The following DPP6 variants were observed in gnomAD, a reference collection of about 807,000 sequenced individuals.
DPP6 encodes A-type potassium channel modulatory protein DPP6.
A neutral mutation model predicts 122.6 loss-of-function variants in DPP6; 69 were observed. The ratio of observed to expected loss-of-function variants is 0.56; its 90% CI spans 0.46 to 0.69. The LOEUF (loss-of-function observed/expected upper bound fraction) is 0.69, where lower values mean the gene tolerates loss of function less well. DPP6 is among the 30% of genes least tolerant of loss of function. DPP6 has a pLI of 0.00. For missense variants in DPP6, 928 were observed against 1,116.9 expected (o/e 0.83, Z 2.41); for synonymous variants, 418 against 433.1 (o/e 0.97, Z 0.43).
At chr7:154,032,608 T>C (rs1799301786) in intron 1 of DPP6, among the ~76,000 whole-genome samples, 1 of 152,232 alleles carries the variant, frequency 6.6e-6, no homozygotes, top group African/African-American at 2.4e-5. Context: ...ATTTTATTTT[T>C]GTATATTTAT....
intron 8 of DPP6, among the ~76,000 whole-genome samples, chr7:154,766,264 A>T (rs1365143817): frequency 1.3e-5 from 2 of 152,134 alleles, no homozygotes. Flanking sequence ...CACACACCAG[A>T]TACCTGTCAT....
intron 1 of DPP6, among the ~76,000 whole-genome samples, chr7:154,043,991 A>G (rs1307333279): frequency 1.3e-5 from 2 of 148,162 alleles, no homozygotes; most frequent in East Asian, 4.0e-4. Context: ...AGTTAATGGA[A>G]TCCCATCAGG....
chr7:153,946,924 G>T (rs1801974141), intron 1 of DPP6, among the ~76,000 whole-genome samples: 1 of 152,076 alleles, frequency 6.6e-6, no homozygotes, highest in Non-Finnish European at 1.5e-5. Context: ...GACATAAAAT[G>T]CGAATTTCCA....
intron 1 of DPP6, among the ~76,000 whole-genome samples, chr7:154,032,022 C>T (rs28646875): frequency 0.33 from 47,970 of 146,876 alleles, 8,321 homozygotes; most frequent in African/African-American, 0.47. Flanking sequence ...CCATCACACC[C>T]GCCTATTTTT....
chr7:154,629,536 G>A (rs1835284158), intron 5 of DPP6, among the ~76,000 whole-genome samples: 1 of 151,868 alleles, frequency 6.6e-6, no homozygotes, highest in Non-Finnish European at 1.5e-5. Flanking sequence ...TTCTTTAACT[G>A]TGTATGCCAG....
At chr7:154,807,185 G>T (rs1043107867) in intron 16 of DPP6, 73 bp downstream of exon 16, 13 of 1,566,456 alleles carry the variant, frequency 8.3e-6, no homozygotes, top group Admixed American at 1.7e-5. Flanking sequence ...GGGCACACTT[G>T]CAGGGAGGGG....
the DPP6 span, among the ~76,000 whole-genome samples, chr7:153,876,553 C>A: frequency 9.2e-5 from 14 of 152,000 alleles, no homozygotes; most frequent in Admixed American, 5.9e-4. Flanking sequence ...TATTTCTAAA[C>A]AACTCATTGG....
intron 5 of DPP6, among the ~76,000 whole-genome samples, chr7:154,608,620 G>T (rs1299535618): frequency 1.3e-5 from 2 of 151,762 alleles, no homozygotes; most frequent in African/African-American, 4.8e-5. Context: ...TACAGGCTGA[G>T]CCACTGCGCC....
chr7:154,868,126 A>C, intron 18 of DPP6, 33 bp downstream of exon 18: 1 of 1,562,070 alleles, frequency 6.4e-7, no homozygotes, highest in Non-Finnish European at 8.7e-7. Flanking sequence ...CTAAAAGAAA[A>C]AGAAAAAGAA....
chr7:154,092,591 G>A (rs1270030307), intron 1 of DPP6: 2 of 151,492 alleles, frequency 1.3e-5, no homozygotes, highest in South Asian at 2.1e-4. Context: ...CAGAATCCTA[G>A]AGAAGTGATG....
At chr7:154,451,428 G>A (rs2151298801) in intron 2 of DPP6, among the ~76,000 whole-genome samples, 1 of 151,010 alleles carries the variant, frequency 6.6e-6, no homozygotes, top group Non-Finnish European at 1.5e-5. Flanking sequence ...AATGTCCACA[G>A]CAGCAAAGCG....
intron 3 of DPP6, chr7:154,475,334 C>T (rs1176806280): frequency 2.1e-5 from 8 of 388,028 alleles, no homozygotes; most frequent in East Asian, 1.9e-4. Context: ...ATCATTTCTC[C>T]GGGGGAGCTG....
intron 1 of DPP6, among the ~76,000 whole-genome samples, chr7:154,148,273 G>T (rs1254443634): frequency 8.2e-6 from 1 of 121,776 alleles, no homozygotes; most frequent in Non-Finnish European, 1.9e-5. Flanking sequence ...ACCGCCCGGG[G>T]ACGGTGAGGG....
chr7:154,090,597 C>T (rs1804735770), intron 1 of DPP6, among the ~76,000 whole-genome samples: 1 of 152,054 alleles, frequency 6.6e-6, no homozygotes, highest in Admixed American at 6.6e-5. Context: ...CCACCACCAC[C>T]ACCATTGCCC....
At chr7:154,453,565 A>T (rs1319359246) in intron 2 of DPP6, among the ~76,000 whole-genome samples, 1 of 150,318 alleles carries the variant, frequency 6.7e-6, no homozygotes, top group South Asian at 2.1e-4. Flanking sequence ...TTAAATATAT[A>T]AATATAAACA....
intron 2 of DPP6, among the ~76,000 whole-genome samples, chr7:154,452,127 C>T (rs1271201774): frequency 1.3e-5 from 2 of 152,182 alleles, no homozygotes; most frequent in African/African-American, 2.4e-5. Flanking sequence ...TGAATGATCC[C>T]GGCTAGGAGC....
chr7:153,808,809 A>G, the DPP6 span, among the ~76,000 whole-genome samples: 2 of 152,022 alleles, frequency 1.3e-5, no homozygotes, highest in Non-Finnish European at 2.9e-5. Context: ...CTTAAGTTGC[A>G]TCTGTATCTT....
At chr7:154,270,131 G>T (rs1363501651) in intron 1 of DPP6, among the ~76,000 whole-genome samples, 3 of 152,186 alleles carry the variant, frequency 2.0e-5, no homozygotes, top group African/African-American at 7.2e-5. Flanking sequence ...TGTGGGAAGA[G>T]TAAGATGCCT....
intron 2 of DPP6, among the ~76,000 whole-genome samples, chr7:154,453,568 T>G (rs187232580): frequency 5.9e-4 from 88 of 150,416 alleles, no homozygotes; most frequent in Admixed American, 2.6e-3. Context: ...AATATATAAA[T>G]ATAAACACAT....
Sources: allele counts gnomAD v4.1 joint callset (sites outside exome capture counted in the v4.1 genomes callset), GRCh38; gene constraint gnomAD v4.1.1; transcripts MANE v1.5; gene names NCBI Gene and HGNC (gene_info 2026-07-23, HGNC 2026-07-21).